GABRA5: variants seen among roughly 807,000 people sequenced by gnomAD.
GABRA5 encodes the protein gamma-aminobutyric acid receptor subunit alpha-5.
GABRA5 carries 18 observed loss-of-function variants against 47.3 expected under a neutral mutation model. That is an observed-to-expected ratio of 0.38 (90% CI 0.26 to 0.56). The LOEUF (loss-of-function observed/expected upper bound fraction) is 0.56. GABRA5 is among the 20% of genes least tolerant of loss of function. GABRA5 has a pLI of 0.71. For synonymous variants in GABRA5, 237 were observed against 229.3 expected, an observed-to-expected ratio of 1.03 and a Z score of -0.30; for missense variants, 365 against 599.3, an observed-to-expected ratio of 0.61 and a Z score of 4.08.
chr15:26,937,214 G>T lies in GABRA5; in HGVS notation c.610G>T (p.Val204Phe), dbSNP rs186262515. Residue 204 changes from valine to phenylalanine, a missense_variant, in exon 8 of 11, where the codon GTC (valine) becomes TTC (phenylalanine). By Grantham distance (50) the Val-to-Phe change is conservative (BLOSUM62 -1). Coordinates refer to ENST00000335625, the MANE Select transcript of GABRA5 (RefSeq NM_000810.4). Reference protein sequence around the residue: ...YAYPNSEVVYVWTNGSTKSVV... With the variant: ...YAYPNSEVVYFWTNGSTKSVV... The stretch of plus-strand genomic sequence containing the variant: ...GTACCCTAATTCTGAAGTCGTTTAC[G>T]TCTGGACCAACGGCTCCACCAAGTC... 6.8e-6 allele frequency: 11 copies of T among 1,613,946 alleles called. No homozygotes were observed. Among genetic ancestry groups the T allele is most frequent in the Non-Finnish European group, 9.3e-6 (11 of 1,179,880 alleles).
At chr15:26,873,750 G>T (rs2140244649) in intron 3 of GABRA5, among the ~76,000 whole-genome samples, 1 of 152,266 alleles carries the variant, frequency 6.6e-6, no homozygotes, top group South Asian at 2.1e-4. Flanking sequence ...GGTTCATGAG[G>T]CCCGGGACAG....
chr15:26,871,786 C>T (rs186769532), intron 3 of GABRA5, among the ~76,000 whole-genome samples: 94 of 152,244 alleles, frequency 6.2e-4, no homozygotes, highest in Admixed American at 2.1e-3. Flanking sequence ...AGGGCAAGAG[C>T]GCCTTGTGTT....
chr15:26,873,405 C>A (rs1046005384), intron 3 of GABRA5, among the ~76,000 whole-genome samples: 9 of 151,098 alleles, frequency 6.0e-5, no homozygotes, highest in Admixed American at 1.3e-4. Flanking sequence ...ATAAAAAAAT[C>A]TGTTGAACAA....
intron 10 of GABRA5, among the ~76,000 whole-genome samples, chr15:26,946,010 C>G (rs1292812629): frequency 2.0e-5 from 3 of 152,148 alleles, no homozygotes; most frequent in Non-Finnish European, 2.9e-5. Flanking sequence ...GCGGGGACGG[C>G]AAAACTGCCA....
At chr15:26,913,743 G>A (rs910821750) in intron 6 of GABRA5, among the ~76,000 whole-genome samples, 2 of 152,104 alleles carry the variant, frequency 1.3e-5, no homozygotes, top group African/African-American at 4.8e-5. Context: ...AGAATCATCC[G>A]TAATTGGCAA....
chr15:26,880,519 G>A (rs1595395405), intron 3 of GABRA5: 1 of 189,202 alleles, frequency 5.3e-6, no homozygotes, highest in Non-Finnish European at 1.1e-5. Flanking sequence ...GAGTGGATTA[G>A]GCTCTGCCAG....
chr15:26,916,889 A>ATG (rs1893728094), intron 7 of GABRA5, among the ~76,000 whole-genome samples: 1 of 152,116 alleles, frequency 6.6e-6, no homozygotes, highest in Non-Finnish European at 1.5e-5. Flanking sequence ...GTTAATATAT[A>ATG]GAAATGGAAC....
intron 8 of GABRA5, 35 bp downstream of exon 8, chr15:26,937,363 A>T: frequency 6.4e-7 from 1 of 1,566,450 alleles, no homozygotes; most frequent in Non-Finnish European, 8.6e-7. Flanking sequence ...TGCCAGGCGC[A>T]CTCAGGACAC....
At chr15:26,893,195 A>T (rs1396754515) in intron 6 of GABRA5, among the ~76,000 whole-genome samples, 3 of 65,650 alleles carry the variant, frequency 4.6e-5, no homozygotes, top group African/African-American at 1.7e-4. Flanking sequence ...GTGTGTGTGT[A>T]TAGTGTGTTG....
In GABRA5 at chr15:26,893,744, G is replaced by A. The variant is rs184578981; in HGVS notation, c.497+10187G>A. Among the ~76,000 whole-genome samples, 168 of 152,138 alleles carry A rather than the reference G, an allele frequency of 1.1e-3. 2 individuals are homozygous for A. Among genetic ancestry groups the A allele is most frequent in the African/African-American group, 3.8e-3 (157 of 41,496 alleles). ...CGAGGGGCTGAGTCTGGGGGTGAGG[G>A]GAGCAGGGCCCGGCGACCAGGCGGT... On this transcript the variant is annotated intron_variant, in intron 6 of 10. Coordinates refer to ENST00000335625, the MANE Select transcript of GABRA5 (RefSeq NM_000810.4).
intron 6 of GABRA5, among the ~76,000 whole-genome samples, chr15:26,895,994 T>G (rs1240286008): frequency 1.3e-5 from 2 of 151,982 alleles, no homozygotes; most frequent in Non-Finnish European, 2.9e-5. Context: ...CGGATCCCCT[T>G]CCACCCTTCC....
chr15:26,901,826 G>A (rs1339365755), intron 6 of GABRA5, among the ~76,000 whole-genome samples: 1 of 152,124 alleles, frequency 6.6e-6, no homozygotes, highest in Non-Finnish European at 1.5e-5. Flanking sequence ...GTTAATTCTT[G>A]TGAAGGGTAT....
At chr15:26,893,971 G>C (rs1168174875) in intron 6 of GABRA5, among the ~76,000 whole-genome samples, 1 of 152,076 alleles carries the variant, frequency 6.6e-6, no homozygotes, top group Admixed American at 6.5e-5. Context: ...ACCCTTGCTT[G>C]AAGGCTGGTC....
chr15:26,941,948 T>C (rs914660980), intron 9 of GABRA5, among the ~76,000 whole-genome samples: 2 of 152,250 alleles, frequency 1.3e-5, no homozygotes, highest in Non-Finnish European at 2.9e-5. Flanking sequence ...TCTAGAGTAC[T>C]GGAGGTTAGG....
intron 6 of GABRA5, among the ~76,000 whole-genome samples, chr15:26,893,527 T>TG (rs1893094162): frequency 6.7e-6 from 1 of 149,708 alleles, no homozygotes; most frequent in Admixed American, 6.6e-5. Flanking sequence ...GTGGATCTGA[T>TG]GGGAGCAGCG....
intron 10 of GABRA5, among the ~76,000 whole-genome samples, chr15:26,947,378 A>G (rs1433539485): frequency 4.6e-5 from 7 of 151,662 alleles, no homozygotes; most frequent in Non-Finnish European, 1.0e-4. Context: ...TTCCACCCCA[A>G]TGTCTGTTGT....
At chr15:26,946,916 A>G (rs1894525466) in intron 10 of GABRA5, among the ~76,000 whole-genome samples, 1 of 152,210 alleles carries the variant, frequency 6.6e-6, no homozygotes, top group Non-Finnish European at 1.5e-5. Context: ...ATTCATGCAA[A>G]GGTAGGTCAC....
chr15:26,892,997 T>TG (rs1459738012), intron 6 of GABRA5, among the ~76,000 whole-genome samples: 1 of 148,592 alleles, frequency 6.7e-6, no homozygotes, highest in Admixed American at 6.7e-5. Flanking sequence ...GTGTGGCGTG[T>TG]GTGTGTAGTG....
chr15:26,894,317 T>C lies in GABRA5; in HGVS notation c.497+10760T>C, dbSNP rs535756978. On this transcript the variant is annotated intron_variant, in intron 6 of 10. Coordinates refer to ENST00000335625, the MANE Select transcript of GABRA5 (RefSeq NM_000810.4). ...AACCTCGACTCCAGAGAGGCCGGTG[T>C]GCGTCCAGGGGCCACCCCTTCACAG... 4.1e-3 allele frequency among the ~76,000 whole-genome samples: 628 copies of C among 152,260 alleles called. 5 individuals are homozygous for C. The highest frequency in any genetic ancestry group is 0.014 in the African/African-American group (585 of 41,568).
Sources: allele counts gnomAD v4.1 joint callset (sites outside exome capture counted in the v4.1 genomes callset), GRCh38; gene constraint gnomAD v4.1.1; transcripts MANE v1.5; gene names NCBI Gene and HGNC (gene_info 2026-07-23, HGNC 2026-07-21).